Variants in TSC22D1 observed in about 807,000 individuals in gnomAD.
The protein encoded by TSC22D1 is TSC22 domain family protein 1.
In TSC22D1, 9 loss-of-function variants were observed where a neutral mutation model predicts 74.2. That is an observed-to-expected ratio of 0.12 (90% CI 0.07 to 0.21). The LOEUF is 0.21. Ranked by LOEUF, TSC22D1 falls within the 10% of genes least tolerant of loss-of-function variation. The pLI, the probability that TSC22D1 is intolerant of heterozygous loss-of-function variation, is 1.00. For synonymous variants in TSC22D1, 586 were observed against 492.5 expected (o/e 1.19, Z -2.51); for missense variants, 1,427 against 1,304.7 (o/e 1.09, Z -1.44).
At chr13:44,459,314 G>T (rs1392968520) in intron 1 of TSC22D1, among the ~76,000 whole-genome samples, 4 of 152,124 alleles carry the variant, frequency 2.6e-5, no homozygotes, top group African/African-American at 4.8e-5. Context: ...CTGAGAGCTG[G>T]ACACTTGCCA....
chr13:44,486,484 CAAAG>C (rs369683572), intron 1 of TSC22D1, among the ~76,000 whole-genome samples: 8 of 152,050 alleles, frequency 5.3e-5, no homozygotes, highest in Admixed American at 1.3e-4. Context: ...GATAAACAGA[CAAAG>C]AAAAATTTGC....
intron 1 of TSC22D1, among the ~76,000 whole-genome samples, chr13:44,473,430 G>A (rs1371157607): frequency 1.3e-5 from 2 of 152,154 alleles, no homozygotes; most frequent in African/African-American, 4.8e-5. Context: ...AGGAGGTCGA[G>A]GTTGCAGTGA....
chr13:44,447,264 G>A (rs933362729), intron 1 of TSC22D1, among the ~76,000 whole-genome samples: 2 of 151,720 alleles, frequency 1.3e-5, no homozygotes, highest in Non-Finnish European at 2.9e-5. Flanking sequence ...GATTATAGGC[G>A]TGAGCCACCA....
At chr13:44,464,138 T>C (rs375479907) in intron 1 of TSC22D1, among the ~76,000 whole-genome samples, 13 of 152,340 alleles carry the variant, frequency 8.5e-5, no homozygotes, top group African/African-American at 3.1e-4. Context: ...CCTCATTGTT[T>C]TAAGCCACTG....
intron 1 of TSC22D1, among the ~76,000 whole-genome samples, chr13:44,442,408 G>A (rs1164785533): frequency 2.6e-5 from 4 of 152,184 alleles, no homozygotes; most frequent in Non-Finnish European, 5.9e-5. Context: ...TATTTCATAT[G>A]TTCAAGAAAG....
intron 1 of TSC22D1, among the ~76,000 whole-genome samples, chr13:44,460,440 A>G (rs945258179): frequency 1.3e-5 from 2 of 152,222 alleles, no homozygotes; most frequent in African/African-American, 2.4e-5. Context: ...GTTTTTGGTA[A>G]AAGGGCAACT....
At chr13:44,453,533 A>C (rs949946440) in intron 1 of TSC22D1, among the ~76,000 whole-genome samples, 1 of 152,208 alleles carries the variant, frequency 6.6e-6, no homozygotes, top group African/African-American at 2.4e-5. Flanking sequence ...CATTAACACA[A>C]ACAAATCTGA....
At chr13:44,521,211 G>T (rs1379086152) in intron 1 of TSC22D1, among the ~76,000 whole-genome samples, 1 of 152,126 alleles carries the variant, frequency 6.6e-6, no homozygotes, top group African/African-American at 2.4e-5. Flanking sequence ...CTTCTAGGAC[G>T]CTAACCCCCC....
rs1310883010 is a variant in TSC22D1, at chr13:44,537,761, C to T, written c.2912+35402G>A. On this transcript the variant is annotated intron_variant, in intron 1 of 2. Transcript: ENST00000458659. The stretch of plus-strand genomic sequence containing the variant: ...ACTTACTTTTAAATACTATACTTAA[C>T]AAAAATTTATTTATAATTAATGAGA... 11 of 980,052 alleles carry T rather than the reference C, an allele frequency of 1.1e-5. No individual in the cohort carries two copies. The African/African-American group carries it at 1.4e-4, about 12-fold the overall frequency. The allele number at this position is 980,052 out of a possible 1,614,324, so 60.7% of individuals were successfully genotyped here.
chr13:44,441,739 T>G (rs956690804), intron 1 of TSC22D1, among the ~76,000 whole-genome samples: 8 of 152,230 alleles, frequency 5.3e-5, no homozygotes, highest in South Asian at 2.1e-4. Flanking sequence ...ATTTGCTTTT[T>G]GGGTATGTAC....
At chr13:44,457,310 T>G (rs984071270) in intron 1 of TSC22D1, among the ~76,000 whole-genome samples, 2 of 152,220 alleles carry the variant, frequency 1.3e-5, no homozygotes, top group African/African-American at 4.8e-5. Flanking sequence ...ATAACTTTTC[T>G]ATATAAAAAC....
rs146993055 is a variant in TSC22D1, at chr13:44,574,410, G to A, written c.1665C>T (p.Ser555=). The part of the protein sequence containing the change: ...SQVQLQSQEL[S]YQQKQGLQPV... Reference sequence around the variant, plus strand: ...GCTGAAGACCTTGCTTTTGCTGATAGCTCAGTTCTTGAGACTGTAATTGTA... The same window carrying A: ...GCTGAAGACCTTGCTTTTGCTGATAACTCAGTTCTTGAGACTGTAATTGTA... Residue 555 remains serine (S), a synonymous_variant, in exon 1 of 3, where the codon AGC becomes AGT. Transcript: ENST00000458659. 1,236 of 1,614,240 alleles carry A rather than the reference G, an allele frequency of 7.7e-4. 10 individuals are homozygous for A. In the African/African-American group the frequency reaches 0.015, roughly 20 times the overall value.
intron 1 of TSC22D1, among the ~76,000 whole-genome samples, chr13:44,521,407 C>T (rs1299391988): frequency 6.6e-6 from 1 of 151,850 alleles, no homozygotes; most frequent in African/African-American, 2.4e-5. Flanking sequence ...ACAGCTCATT[C>T]TTACTGTGGC....
intron 1 of TSC22D1, among the ~76,000 whole-genome samples, chr13:44,572,692 G>A (rs1473384051): frequency 6.6e-6 from 1 of 152,136 alleles, no homozygotes; most frequent in East Asian, 1.9e-4. Context: ...TATCTGACTA[G>A]GAAAAGTAGG....
At chr13:44,532,578 A>T (rs1880908273) in intron 1 of TSC22D1, among the ~76,000 whole-genome samples, 1 of 152,076 alleles carries the variant, frequency 6.6e-6, no homozygotes, top group African/African-American at 2.4e-5. Flanking sequence ...GGTCCTCGCC[A>T]TTCTCCTGCC....
At chr13:44,517,098 G>A (rs530000058) in intron 1 of TSC22D1, among the ~76,000 whole-genome samples, 2 of 152,222 alleles carry the variant, frequency 1.3e-5, no homozygotes, top group East Asian at 3.9e-4. Flanking sequence ...GTGTGTTTGT[G>A]TGTATACACA....
chr13:44,510,713 C>T lies in TSC22D1; in HGVS notation c.2912+62450G>A, dbSNP rs11619677. Reference sequence around the variant, plus strand: ...GTTCAAGGGATTCTCCTGCCTCAGCCTCCTGAGTAGCTGGAACTACAGGAA... The same window carrying T: ...GTTCAAGGGATTCTCCTGCCTCAGCTTCCTGAGTAGCTGGAACTACAGGAA... On this transcript the variant is annotated intron_variant, in intron 1 of 2. Coordinates refer to ENST00000458659, the MANE Select transcript of TSC22D1 (RefSeq NM_183422.4). 3.5e-3 allele frequency among the ~76,000 whole-genome samples: 540 copies of T among 152,204 alleles called. 1 individual carries two copies. The highest frequency in any genetic ancestry group is 0.017 in the Middle Eastern group (5 of 294).
chr13:44,482,254 G>A (rs903770334), intron 1 of TSC22D1, among the ~76,000 whole-genome samples: 1 of 152,192 alleles, frequency 6.6e-6, no homozygotes, highest in Non-Finnish European at 1.5e-5. Flanking sequence ...AGAGAGGTTA[G>A]CCAGGTGCAG....
In TSC22D1 at chr13:44,574,986, G is replaced by A. The variant is rs1340171223; in HGVS notation, c.1089C>T (p.Ile363=). 1 of 1,614,066 alleles carries A rather than the reference G, an allele frequency of 6.2e-7. No individual in the cohort carries two copies. Residue 363 remains isoleucine, a synonymous_variant, in exon 1 of 3, where the codon ATC becomes ATT. Transcript: ENST00000458659. ...TAGTACCATTGCCCATGCCACTCAAGATATTCACATTAACACCACTGGTAA... is the reference window on the plus strand; with the variant it reads ...TAGTACCATTGCCCATGCCACTCAAAATATTCACATTAACACCACTGGTAA... ...PGVTSGVNVN[I]LSGMGNGTIS...
Sources: allele counts gnomAD v4.1 joint callset (sites outside exome capture counted in the v4.1 genomes callset), GRCh38; gene constraint gnomAD v4.1.1; transcripts MANE v1.5; gene names NCBI Gene and HGNC (gene_info 2026-07-23, HGNC 2026-07-21).